The following PROSER1 variants were observed in gnomAD, a reference collection of about 807,000 sequenced individuals.
PROSER1 encodes the protein proline and serine rich 1, also known as proline and serine-rich protein 1.
A neutral mutation model predicts 71.8 loss-of-function variants in PROSER1; 36 were observed. The observed-to-expected ratio is 0.50, with a 90% CI of 0.38 to 0.66. The LOEUF is 0.66. Ranked by LOEUF, PROSER1 falls within the 30% of genes least tolerant of loss-of-function variation. The pLI, the probability that PROSER1 is intolerant of heterozygous loss-of-function variation, is 0.00. For synonymous variants in PROSER1, 490 were observed against 452.4 expected (o/e 1.08, Z -1.06); for missense variants, 1,107 against 1,135.0 (o/e 0.98, Z 0.35).
At position 39,013,639 on chromosome 13, in the gene PROSER1, A is replaced by G. The variant is rs1593525793; in HGVS notation, c.1613T>C (p.Phe538Ser). The change falls in exon 11 of 13, where the codon TTC becomes TCC. Residue 538 changes from phenylalanine to serine, a missense_variant. Transcript: ENST00000352251. ...QRTSTPGLAL[F>S]PGLPSPVANS... Reference sequence around the variant, plus strand: ...AGCCACGGGAGACGGCAGGCCTGGGAACAGGGCCAACCCTGGAGTGGAAGT... The same window carrying G: ...AGCCACGGGAGACGGCAGGCCTGGGGACAGGGCCAACCCTGGAGTGGAAGT... 1 of 1,614,090 alleles carries G rather than the reference A, an allele frequency of 6.2e-7. No individual in the cohort carries two copies. The highest frequency in any genetic ancestry group is 8.5e-7 in the Non-Finnish European group (1 of 1,179,996).
chr13:39,012,369 C>T (rs1205362321), intron 11 of PROSER1, 136 bp from the exon 12 acceptor site: 5 of 942,234 alleles, frequency 5.3e-6, no homozygotes, highest in Non-Finnish European at 8.1e-6. Flanking sequence ...TTGGAAGGAC[C>T]ATAAAAATCA....
chr13:39,027,086 A>G lies in PROSER1; in HGVS notation c.370-699T>C, dbSNP rs183992397. Among the ~76,000 whole-genome samples the G allele has an allele frequency of 3.6e-4, 52 of 144,990 alleles. No individual in the cohort carries two copies. The East Asian group carries it at 9.6e-3, about 27-fold the overall frequency. On this transcript the variant is annotated intron_variant, in intron 5 of 12. Transcript: ENST00000352251. Reference sequence around the variant, plus strand: ...ATGTTATAGAAATATCCAGCTATACATATGTGTGTGTATATATATATTCAC... The same window carrying G: ...ATGTTATAGAAATATCCAGCTATACGTATGTGTGTGTATATATATATTCAC...
At chr13:39,012,496 A>C (rs1481441733) in intron 11 of PROSER1, 195 bp downstream of exon 11, 37 of 642,384 alleles carry the variant, frequency 5.8e-5, no homozygotes, top group Non-Finnish European at 1.6e-5. Flanking sequence ...ATACAAATCC[A>C]AACATTGTAT....
At position 39,011,183 on chromosome 13, in the gene PROSER1, C is replaced by A; in HGVS notation, c.*182G>T. The A allele has an allele frequency of 1.6e-6, 1 of 607,378 alleles. No homozygotes were observed. Among genetic ancestry groups the A allele is most frequent in the South Asian group, 2.0e-5 (1 of 49,178 alleles). 37.6% of individuals were successfully genotyped at this position (607,378 alleles called of 1,614,324 possible). On this transcript the variant is annotated 3_prime_UTR_variant, in exon 13 of 13. Coordinates refer to ENST00000352251, the MANE Select transcript of PROSER1 (RefSeq NM_025138.5). ...ATACAATTTATTGTCAGCATATTTACATAGGGGAGTGTTCACACTTTAAAA... is the reference window on the plus strand; with the variant it reads ...ATACAATTTATTGTCAGCATATTTAAATAGGGGAGTGTTCACACTTTAAAA...
intron 11 of PROSER1, 46 bp from the exon 12 acceptor site, chr13:39,012,279 A>C: frequency 6.4e-7 from 1 of 1,565,712 alleles, no homozygotes; most frequent in Non-Finnish European, 8.7e-7. Flanking sequence ...ACAAGACATA[A>C]AAGCTACTGT....
chr13:39,029,450 G>C (rs1870726394), intron 3 of PROSER1, 75 bp from the exon 4 acceptor site: 2 of 737,092 alleles, frequency 2.7e-6, no homozygotes, highest in Non-Finnish European at 4.4e-6. Context: ...TGGAAGTACA[G>C]TTAAATGCTC....
chr13:39,011,984 T>G lies in PROSER1; in HGVS notation c.2712+99A>C, dbSNP rs529128063. On this transcript the variant is annotated intron_variant, in intron 12 of 12. Coordinates refer to ENST00000352251, the MANE Select transcript of PROSER1 (RefSeq NM_025138.5). ...ATGCATTCTGCTAAGAGCCATTTTT[T>G]GCCAATGTTGGGATATCGCAAATGA... is the stretch of plus-strand genomic sequence containing the variant. The G allele has an allele frequency of 1.6e-5, 20 of 1,256,270 alleles. No individual in the cohort carries two copies. In the African/African-American group the frequency reaches 2.7e-4, roughly 17 times the overall value. The allele number at this position is 1,256,270 out of a possible 1,614,324, so 77.8% of individuals were successfully genotyped here.
Position 39,013,684 on chromosome 13 carries a change from G to A in PROSER1, c.1568C>T (p.Ala523Val), listed in dbSNP as rs750348458. 4 of 1,614,206 alleles carry A rather than the reference G, an allele frequency of 2.5e-6. No individual in the cohort carries two copies. In the South Asian group the frequency reaches 4.4e-5, roughly 18 times the overall value. Residue 523 changes from alanine to valine, a missense_variant, in exon 11 of 13, where the codon GCC becomes GTC. Ala to Val is a moderately conservative substitution (Grantham distance 64). Transcript: ENST00000352251. ...GGAAGTCCTCTGTGGGGTAGGGATGGCTGATGGGGCATAGCACTTGTTAGG... is the reference window on the plus strand; with the variant it reads ...GGAAGTCCTCTGTGGGGTAGGGATGACTGATGGGGCATAGCACTTGTTAGG... ...SAPNKCYAPSAIPTPQRTSTP... is the reference protein window; with the variant it reads ...SAPNKCYAPSVIPTPQRTSTP...
At chr13:39,018,361 A>G (rs926964072) in intron 9 of PROSER1, among the ~76,000 whole-genome samples, 2 of 152,176 alleles carry the variant, frequency 1.3e-5, no homozygotes, top group Non-Finnish European at 2.9e-5. Context: ...TGGTATAGTG[A>G]GCAAAGAAAA....
chr13:39,035,275 T>C (rs948073616), intron 1 of PROSER1, among the ~76,000 whole-genome samples: 2 of 152,200 alleles, frequency 1.3e-5, no homozygotes, highest in Admixed American at 6.5e-5. Flanking sequence ...GAACAAAGTC[T>C]TGGATTGTAC....
chr13:39,014,320 G>A lies in PROSER1; in HGVS notation c.932C>T (p.Thr311Ile). Residue 311 changes from threonine (T) to isoleucine (I), a missense_variant, in exon 11 of 13, where the codon ACT becomes ATT. By Grantham distance (89) the Thr-to-Ile change is moderately conservative. Transcript: ENST00000352251. The part of the protein sequence containing the change: ...ATVSGMNLLN[T>I]VLPVFPGQVS... ...CTGCCCTGGGAACACAGGAAGGACAGTATTCAGCAGGTTCATTCCAGAAAC... is the reference window on the plus strand; with the variant it reads ...CTGCCCTGGGAACACAGGAAGGACAATATTCAGCAGGTTCATTCCAGAAAC... 6.2e-7 allele frequency: 1 copy of A among 1,614,164 alleles called. No individual in the cohort carries two copies. Among genetic ancestry groups the A allele is most frequent in the South Asian group, 1.1e-5 (1 of 91,070 alleles).
At chr13:39,030,952 G>A (rs767383213) in intron 3 of PROSER1, among the ~76,000 whole-genome samples, 1 of 152,120 alleles carries the variant, frequency 6.6e-6, no homozygotes, top group South Asian at 2.1e-4. Flanking sequence ...GAAAGTCAAG[G>A]ATCTGTAAAT....
Position 39,011,384 on chromosome 13 carries a change from G to C in PROSER1, c.2816C>G (p.Ser939Cys), listed in dbSNP as rs1227155819. The change falls in exon 13 of 13, where the codon TCC becomes TGC. Residue 939 changes from serine to cysteine, a missense_variant. By Grantham distance (112) the Ser-to-Cys change is moderately radical. Transcript: ENST00000352251. ...AAGTATTCACTGCCACCCACTCTGG[G>C]ACAGGCTTGGTTGCAAAGAAAATGG... ...GTPFSLQPSL[S>C]QSGWQ 1.2e-6 allele frequency: 2 copies of C among 1,614,100 alleles called. No individual in the cohort carries two copies. The highest frequency in any genetic ancestry group is 2.2e-5 in the South Asian group (2 of 91,082).
chr13:39,013,079 A>C lies in PROSER1; in HGVS notation c.2173T>G (p.Leu725Val). 1.9e-6 allele frequency: 3 copies of C among 1,614,140 alleles called. No individual in the cohort carries two copies. The highest frequency in any genetic ancestry group is 2.5e-6 in the Non-Finnish European group (3 of 1,180,026). Residue 725 changes from leucine (L) to valine (V), a missense_variant, in exon 11 of 13, where the codon TTA (leucine) becomes GTA (valine). By Grantham distance (32) the Leu-to-Val change is conservative. Coordinates refer to ENST00000352251, the MANE Select transcript of PROSER1 (RefSeq NM_025138.5). ...LNPSVSLPGS[L>V]IATSSTAATS... ...GCAGCGGTAGATGAGGTGGCTATTA[A>C]TGACCCTGGGAGAGATACTGACGGA...
In PROSER1 at chr13:39,024,534, C is replaced by A. The variant is rs1288672899; in HGVS notation, c.503G>T (p.Gly168Val). The change falls in exon 7 of 13, where the codon GGT becomes GTT. Residue 168 changes from glycine to valine, a missense_variant. Transcript: ENST00000352251. ...IFPGTPLKKD[G>V]EECTNEGKGI... The stretch of plus-strand genomic sequence containing the variant: ...TTTGCCTTCGTTAGTACATTCTTCA[C>A]CATCTTTTTTCAAAGGAGTTCCCTA... 1 of 1,598,620 alleles carries A rather than the reference C, an allele frequency of 6.3e-7. No homozygotes were observed. The highest frequency in any genetic ancestry group is 1.4e-5 in the African/African-American group (1 of 73,458).
Position 39,012,818 on chromosome 13 carries a change from G to A in PROSER1, c.2434C>T (p.Pro812Ser). The A allele has an allele frequency of 6.2e-7, 1 of 1,614,212 alleles. No homozygotes were observed. Among genetic ancestry groups the A allele is most frequent in the Non-Finnish European group, 8.5e-7 (1 of 1,180,038 alleles). ...GGTGTGACAGCTGCGACTGTAGAGG[G>A]CGCCTGCAGCCCCGGGAATGAGGGA... ...ALPSFPGLQA[P>S]STVAAVTPLP... Residue 812 changes from proline (P) to serine (S), a missense_variant, in exon 11 of 13, where the codon CCC (proline) becomes TCC (serine). Physicochemically the swap from Pro to Ser is moderately conservative, Grantham distance 74. Coordinates refer to ENST00000352251, the MANE Select transcript of PROSER1 (RefSeq NM_025138.5).
Position 39,012,135 on chromosome 13 carries a change from G to A in PROSER1, c.2660C>T (p.Ser887Phe). The A allele has an allele frequency of 2.5e-6, 4 of 1,614,224 alleles. No homozygotes were observed. Among genetic ancestry groups the A allele is most frequent in the Admixed American group, 1.7e-5 (1 of 60,022 alleles). ...PGFPQNPSQS[S>F]LQELQHNAAA... ...CGCATTATGCTGTAATTCTTGCAAG[G>A]ATGATTGTGAAGGATTCTGAGGAAA... Residue 887 changes from serine to phenylalanine, a missense_variant, in exon 12 of 13, where the codon TCC becomes TTC. Physicochemically the swap from Ser to Phe is radical, Grantham distance 155. Coordinates refer to ENST00000352251, the MANE Select transcript of PROSER1 (RefSeq NM_025138.5).
chr13:39,027,225 C>A (rs1870590283), intron 5 of PROSER1, among the ~76,000 whole-genome samples: 2 of 152,134 alleles, frequency 1.3e-5, no homozygotes, highest in African/African-American at 4.8e-5. Flanking sequence ...ACCCTGAAAT[C>A]ATCTGAATTT....
At position 39,013,644 on chromosome 13, in the gene PROSER1, G is replaced by C. The variant is rs201069353; in HGVS notation, c.1608C>G (p.Ala536=). The change falls in exon 11 of 13, where the codon GCC becomes GCG. Residue 536 remains alanine, a synonymous_variant. Coordinates refer to ENST00000352251, the MANE Select transcript of PROSER1 (RefSeq NM_025138.5). ...CGGGAGACGGCAGGCCTGGGAACAG[G>C]GCCAACCCTGGAGTGGAAGTCCTCT... ...TPQRTSTPGL[A]LFPGLPSPVA... 6.2e-7 allele frequency: 1 copy of C among 1,614,124 alleles called. No homozygotes were observed. Among genetic ancestry groups the C allele is most frequent in the Admixed American group, 1.7e-5 (1 of 60,020 alleles).
Sources: gnomAD v4.1 joint callset for allele counts (sites outside exome capture counted in the v4.1 genomes callset) on GRCh38, gnomAD v4.1.1 for gene constraint, MANE v1.5 for transcripts, NCBI Gene and HGNC (gene_info 2026-07-23, HGNC 2026-07-21) for gene names.